Variants in DYNC1I1 observed in about 807,000 individuals in gnomAD.
The protein encoded by DYNC1I1 is cytoplasmic dynein 1 intermediate chain 1.
DYNC1I1 carries 43 observed loss-of-function variants against 86.6 expected under a neutral mutation model. The observed-to-expected ratio is 0.50, with a 90% CI of 0.39 to 0.64. DYNC1I1 has a LOEUF of 0.64. Ranked by LOEUF, DYNC1I1 falls within the 30% of genes least tolerant of loss-of-function variation. The pLI is 0.00. For synonymous variants in DYNC1I1, 262 were observed against 283.7 expected (o/e 0.92, Z 0.77); for missense variants, 604 against 788.8 (o/e 0.77, Z 2.81).
intron 6 of DYNC1I1, among the ~76,000 whole-genome samples, chr7:95,918,992 G>A (rs1197511156): frequency 6.6e-6 from 1 of 152,134 alleles, no homozygotes; most frequent in Non-Finnish European, 1.5e-5. Flanking sequence ...TCTAGCCTTT[G>A]AGGACAAGAT....
intron 5 of DYNC1I1, among the ~76,000 whole-genome samples, chr7:95,858,528 A>G (rs1789786158): frequency 6.6e-6 from 1 of 152,180 alleles, no homozygotes; most frequent in African/African-American, 2.4e-5. Flanking sequence ...CAAATATATA[A>G]TGTACATAAT....
intron 6 of DYNC1I1, 86 bp from the exon 7 acceptor site, chr7:95,977,426 A>T: frequency 8.1e-7 from 1 of 1,238,404 alleles, no homozygotes. Context: ...TTGGAACTTT[A>T]CCCTTTACCC....
At chr7:95,913,187 A>G (rs1791382582) in intron 6 of DYNC1I1, among the ~76,000 whole-genome samples, 1 of 152,170 alleles carries the variant, frequency 6.6e-6, no homozygotes, top group South Asian at 2.1e-4. Flanking sequence ...AACAGATGTT[A>G]ATGTGTTTGC....
At chr7:96,076,657 A>C (rs1790350160) in intron 15 of DYNC1I1, among the ~76,000 whole-genome samples, 1 of 152,196 alleles carries the variant, frequency 6.6e-6, no homozygotes, top group Non-Finnish European at 1.5e-5. Flanking sequence ...GATTCTGTTG[A>C]CTATTTTATG....
At position 95,951,017 on chromosome 7, in the gene DYNC1I1, C is replaced by T. The variant is rs193253365; in HGVS notation, c.491-26495C>T. Among the ~76,000 whole-genome samples the T allele has an allele frequency of 7.9e-3, 1,201 of 152,146 alleles. 6 individuals are homozygous for T. Among genetic ancestry groups the T allele is most frequent in the Non-Finnish European group, 0.013 (868 of 67,986 alleles). ...TGTCTGAGCCAAGAAGGAACAGAGT[C>T]GAATAGAATAGACAGGTGTATTTTG... On this transcript the variant is annotated intron_variant, in intron 6 of 16. Coordinates refer to ENST00000447467, the MANE Select transcript of DYNC1I1 (RefSeq NM_001135556.2).
intron 6 of DYNC1I1, among the ~76,000 whole-genome samples, chr7:95,944,299 G>A (rs1224971549): frequency 6.6e-6 from 1 of 152,186 alleles, no homozygotes; most frequent in African/African-American, 2.4e-5. Flanking sequence ...GGCCATCAGA[G>A]AAATGCAAAT....
intron 5 of DYNC1I1, among the ~76,000 whole-genome samples, chr7:95,845,911 G>A (rs147796127): frequency 2.2e-3 from 338 of 152,210 alleles, no homozygotes; most frequent in African/African-American, 7.6e-3. Flanking sequence ...AGAATCTTGA[G>A]TAAGCAATTA....
chr7:95,871,330 C>T (rs969165497), intron 6 of DYNC1I1, among the ~76,000 whole-genome samples: 5 of 151,898 alleles, frequency 3.3e-5, no homozygotes, highest in Admixed American at 1.3e-4. Context: ...TGTATATTAA[C>T]GTGGCTGAAA....
chr7:96,022,150 C>G (rs1039064265), intron 10 of DYNC1I1, among the ~76,000 whole-genome samples: 3 of 152,158 alleles, frequency 2.0e-5, no homozygotes, highest in Non-Finnish European at 4.4e-5. Context: ...TCCCATCTCT[C>G]CACATCGTCA....
intron 5 of DYNC1I1, among the ~76,000 whole-genome samples, chr7:95,861,807 C>T (rs950918755): frequency 6.6e-6 from 1 of 152,080 alleles, no homozygotes; most frequent in African/African-American, 2.4e-5. Flanking sequence ...TTTCATAACC[C>T]CTGGGAAACT....
intron 16 of DYNC1I1, among the ~76,000 whole-genome samples, chr7:96,097,254 A>C (rs1198983116): frequency 6.6e-6 from 1 of 152,178 alleles, no homozygotes; most frequent in Non-Finnish European, 1.5e-5. Flanking sequence ...AAAGTTTTAT[A>C]AATTATGTGA....
intron 16 of DYNC1I1, among the ~76,000 whole-genome samples, chr7:96,092,474 G>A (rs955527137): frequency 6.6e-6 from 1 of 152,168 alleles, no homozygotes; most frequent in Non-Finnish European, 1.5e-5. Flanking sequence ...CAAGTTAATG[G>A]CAAATCTGGG....
At chr7:96,014,249 C>T (rs904628431) in intron 10 of DYNC1I1, among the ~76,000 whole-genome samples, 1 of 152,182 alleles carries the variant, frequency 6.6e-6, no homozygotes, top group Non-Finnish European at 1.5e-5. Flanking sequence ...GAAGAAACTA[C>T]GTCCTAAAGG....
At chr7:95,835,893 TA>T (rs1789073867) in intron 5 of DYNC1I1, among the ~76,000 whole-genome samples, 4 of 152,206 alleles carry the variant, frequency 2.6e-5, no homozygotes, top group African/African-American at 4.8e-5. Context: ...GCTTCCTGAA[TA>T]CAGCACACTG....
At chr7:96,002,778 T>C (rs377546705) in intron 10 of DYNC1I1, among the ~76,000 whole-genome samples, 1 of 152,030 alleles carries the variant, frequency 6.6e-6, no homozygotes, top group African/African-American at 2.4e-5. Context: ...ATCTTACCAA[T>C]GAGTACAAAA....
chr7:95,954,016 G>A (rs970411737), intron 6 of DYNC1I1, among the ~76,000 whole-genome samples: 3 of 151,964 alleles, frequency 2.0e-5, no homozygotes, highest in African/African-American at 4.8e-5. Context: ...CATGCTCTCC[G>A]GTCGTCATTC....
chr7:95,897,156 A>G (rs951106952), intron 6 of DYNC1I1, among the ~76,000 whole-genome samples: 2 of 152,170 alleles, frequency 1.3e-5, no homozygotes, highest in East Asian at 3.9e-4. Flanking sequence ...AACCTCTTCC[A>G]TGGGTCGTTT....
chr7:95,820,823 C>T (rs907005746), intron 4 of DYNC1I1, among the ~76,000 whole-genome samples: 1 of 152,260 alleles, frequency 6.6e-6, no homozygotes, highest in African/African-American at 2.4e-5. Flanking sequence ...AGTGATCCTC[C>T]TGCCTCGGCC....
chr7:96,043,167 C>CAAAAAAA (rs111888029), intron 14 of DYNC1I1, among the ~76,000 whole-genome samples: 1 of 63,462 alleles, frequency 1.6e-5, no homozygotes, highest in Admixed American at 1.9e-4. Flanking sequence ...GACTCCATCT[C>CAAAAAAA]AAAAAAAAAA....
Sources: allele counts gnomAD v4.1 joint callset (sites outside exome capture counted in the v4.1 genomes callset), GRCh38; gene constraint gnomAD v4.1.1; transcripts MANE v1.5; gene names NCBI Gene and HGNC (gene_info 2026-07-23, HGNC 2026-07-21).